ADAM17: variants seen among roughly 807,000 people sequenced by gnomAD.
The protein encoded by ADAM17 is ADAM metallopeptidase domain 17, also known as disintegrin and metalloproteinase domain-containing protein 17.
ADAM17 carries 39 observed loss-of-function variants against 96.7 expected under a neutral mutation model. The ratio of observed to expected loss-of-function variants is 0.40; its 90% CI spans 0.31 to 0.53. ADAM17 has a LOEUF of 0.53. Among genes scored for constraint, ADAM17 ranks in the 20% least tolerant of loss-of-function variants. The probability of loss-of-function intolerance (pLI) is 0.44; values close to 1 mark genes in which losing one functional copy is unlikely to be tolerated. For missense variants in ADAM17, 777 were observed against 1,013.2 expected, an observed-to-expected ratio of 0.77 and a Z score of 3.17; for synonymous variants, 344 against 359.2, an observed-to-expected ratio of 0.96 and a Z score of 0.48.
chr2:9,521,473 T>C (rs574588267), intron 7 of ADAM17, 157 bp from the exon 8 acceptor site: 5 of 412,776 alleles, frequency 1.2e-5, no homozygotes, highest in East Asian at 3.8e-5. Flanking sequence ...TATTCAATGT[T>C]TGAAACAAAC....
At chr2:9,492,239 C>G (rs1662215117) in intron 17 of ADAM17, among the ~76,000 whole-genome samples, 1 of 152,228 alleles carries the variant, frequency 6.6e-6, no homozygotes, top group African/African-American at 2.4e-5. Context: ...ATCTCTACAG[C>G]AGACAAATCC....
At position 9,490,398 on chromosome 2, in the gene ADAM17, G is replaced by C; in HGVS notation, c.2254C>G (p.Pro752Ala). The C allele has an allele frequency of 3.1e-6, 5 of 1,614,166 alleles. No individual in the cohort carries two copies. The highest frequency in any genetic ancestry group is 3.4e-6 in the Non-Finnish European group (4 of 1,180,044). The change falls in exon 19 of 19, where the codon CCA (proline) becomes GCA (alanine). Residue 752 changes from proline to alanine, a missense_variant. Pro to Ala is a conservative substitution (Grantham distance 27). Around this residue, in one of 3 missense-constraint regions of ADAM17, gnomAD observed 197 missense variants for 219.4 expected, o/e 0.90. Coordinates refer to ENST00000310823, the MANE Select transcript of ADAM17 (RefSeq NM_003183.6). The stretch of plus-strand genomic sequence containing the variant: ...TCCATTCTCTGGTGGTCCAGTTTTG[G>C]AGCTGCTGGCGCCGAAGGGATCACA... Reference protein sequence around the residue: ...APVIPSAPAAPKLDHQRMDTI... With the variant: ...APVIPSAPAAAKLDHQRMDTI...
At chr2:9,538,424 G>A (rs926233092) in intron 2 of ADAM17, among the ~76,000 whole-genome samples, 1 of 152,128 alleles carries the variant, frequency 6.6e-6, no homozygotes, top group African/African-American at 2.4e-5. Flanking sequence ...AATGGTCAAA[G>A]GGAAAAGACA....
intron 8 of ADAM17, among the ~76,000 whole-genome samples, chr2:9,518,986 G>T (rs1572928727): frequency 1.3e-5 from 2 of 152,034 alleles, no homozygotes; most frequent in African/African-American, 4.8e-5. Context: ...GCTCACTGCA[G>T]CCTCGACCTC....
intron 2 of ADAM17, among the ~76,000 whole-genome samples, chr2:9,539,181 A>C (rs1212612954): frequency 1.3e-5 from 2 of 150,616 alleles, no homozygotes; most frequent in African/African-American, 4.9e-5. Context: ...AATCTCGGCT[A>C]ACTGCAAGCT....
intron 14 of ADAM17, among the ~76,000 whole-genome samples, chr2:9,496,139 A>G (rs1662580103): frequency 6.6e-6 from 1 of 151,190 alleles, no homozygotes; most frequent in Admixed American, 6.6e-5. Flanking sequence ...TTATTTATTT[A>G]TTTATTTGAA....
intron 5 of ADAM17, 129 bp downstream of exon 5, chr2:9,527,657 T>A: frequency 1.7e-6 from 1 of 604,978 alleles, no homozygotes; most frequent in Non-Finnish European, 2.5e-6. Flanking sequence ...GGAACAAACC[T>A]CTTATTTTCA....
chr2:9,498,686 G>A (rs1278971324), intron 13 of ADAM17, among the ~76,000 whole-genome samples: 1 of 152,186 alleles, frequency 6.6e-6, no homozygotes, highest in African/African-American at 2.4e-5. Flanking sequence ...TGAGCACTGG[G>A]CATTCATCAT....
chr2:9,526,149 T>C lies in ADAM17; in HGVS notation c.715A>G (p.Met239Val). Reference protein sequence around the residue: ...VVADHRFYRYMGRGEESTTTN... With the variant: ...VVADHRFYRYVGRGEESTTTN... Reference sequence around the variant, plus strand: ...GTTGTACTCTCTTCCCCTCTGCCCATGTATCTGTAGAAGCGATGATCTGCT... The same window carrying C: ...GTTGTACTCTCTTCCCCTCTGCCCACGTATCTGTAGAAGCGATGATCTGCT... Residue 239 changes from methionine to valine, a missense_variant, in exon 6 of 19, where the codon ATG becomes GTG. Around this residue, in one of 3 missense-constraint regions of ADAM17, gnomAD observed 446 missense variants for 664.7 expected, o/e 0.67. Transcript: ENST00000310823. 2 of 1,613,780 alleles carry C rather than the reference T, an allele frequency of 1.2e-6. No individual in the cohort carries two copies. Among genetic ancestry groups the C allele is most frequent in the South Asian group, 1.1e-5 (1 of 91,036 alleles).
intron 14 of ADAM17, chr2:9,494,995 A>C: frequency 2.5e-6 from 1 of 403,408 alleles, no homozygotes. Flanking sequence ...TGCAGAGAAA[A>C]ATCCATTCTA....
At chr2:9,522,030 C>A (rs1664336150) in intron 7 of ADAM17, 1 of 160,320 alleles carries the variant, frequency 6.2e-6, no homozygotes, top group Non-Finnish European at 1.4e-5. Context: ...CATCCTTCAT[C>A]AGATGTAAAG....
At chr2:9,554,225 G>A (rs1291520381) in intron 1 of ADAM17, among the ~76,000 whole-genome samples, 1 of 152,144 alleles carries the variant, frequency 6.6e-6, no homozygotes, top group Non-Finnish European at 1.5e-5. Flanking sequence ...TGTCAGGGTG[G>A]TGCAAATATA....
intron 12 of ADAM17, 128 bp from the exon 13 acceptor site, chr2:9,502,404 C>T (rs539803830): frequency 4.1e-6 from 3 of 733,486 alleles, no homozygotes; most frequent in Non-Finnish European, 2.3e-6. Flanking sequence ...TCACCCACTC[C>T]TACATCATCA....
rs1207886419 is a variant in ADAM17, at chr2:9,491,125, T to A, written c.2109A>T (p.Glu703Asp). ...CACTGGGGTGAAACAGAGACAGAGA[T>A]TCATACTGTTTATCCAATTTCTTAT... ...CVDKKLDKQY[E>D]SLSLFHPSNV... is the part of the protein sequence containing the mutation. The change falls in exon 18 of 19, where the codon GAA becomes GAT. Residue 703 changes from glutamate to aspartate, a missense_variant. Coordinates refer to ENST00000310823, the MANE Select transcript of ADAM17 (RefSeq NM_003183.6). 1 of 1,613,058 alleles carries A rather than the reference T, an allele frequency of 6.2e-7. No individual in the cohort carries two copies. Among genetic ancestry groups the A allele is most frequent in the African/African-American group, 1.3e-5 (1 of 74,882 alleles).
chr2:9,518,128 G>A lies in ADAM17; in HGVS notation c.1077C>T (p.Asn359=), dbSNP rs1558511859. Residue 359 remains asparagine (N), a synonymous_variant, in exon 9 of 19, where the codon AAC becomes AAT. Coordinates refer to ENST00000310823, the MANE Select transcript of ADAM17 (RefSeq NM_003183.6). ...GLAYVGSPRA[N]SHGGVCPKAY... ...CCTTTGGACAAACACCTCCATGGCTGTTTGCTCTGGGAGAGCCAACATAAG... is the reference window on the plus strand; with the variant it reads ...CCTTTGGACAAACACCTCCATGGCTATTTGCTCTGGGAGAGCCAACATAAG... 5 of 1,596,418 alleles carry A rather than the reference G, an allele frequency of 3.1e-6. No homozygotes were observed. The highest frequency in any genetic ancestry group is 1.7e-6 in the Non-Finnish European group (2 of 1,174,764).
In ADAM17 at chr2:9,502,676, C is replaced by T. The variant is rs1036347006; in HGVS notation, c.1545-400G>A. ...TGGATCACCTGAGGTCAGGAGAGTT[C>T]GAGATGAGCCTGGCCAACATGGTGA... On this transcript the variant is annotated intron_variant, in intron 12 of 18. Coordinates refer to ENST00000310823, the MANE Select transcript of ADAM17 (RefSeq NM_003183.6). 3.3e-5 allele frequency among the ~76,000 whole-genome samples: 5 copies of T among 151,782 alleles called. No individual in the cohort carries two copies. The East Asian group carries it at 9.7e-4, about 29-fold the overall frequency.
rs951262662 is a variant in ADAM17, at chr2:9,505,274, C to T, written c.1436G>A (p.Gly479Glu). 1 of 1,614,186 alleles carries T rather than the reference C, an allele frequency of 6.2e-7. No individual in the cohort carries two copies. The highest frequency in any genetic ancestry group is 8.5e-7 in the Non-Finnish European group (1 of 1,180,044). Residue 479 changes from glycine (G) to glutamate (E), a missense_variant, in exon 12 of 19, where the codon GGG becomes GAG. Gly to Glu is a moderately conservative substitution (Grantham distance 98). This residue lies in a region of ADAM17 where 446 missense variants were observed against 664.7 expected (regional missense o/e 0.67). Transcript: ENST00000310823. ...CFQERSNKVC[G>E]NSRVDEGEEC... Reference sequence around the variant, plus strand: ...TTCTCCTTCATCCACCCTCGAGTTCCCACAAACTTTATTGCTGCGTTCTTG... The same window carrying T: ...TTCTCCTTCATCCACCCTCGAGTTCTCACAAACTTTATTGCTGCGTTCTTG...
At chr2:9,551,618 C>G (rs2091211) in intron 1 of ADAM17, among the ~76,000 whole-genome samples, 1 of 151,974 alleles carries the variant, frequency 6.6e-6, no homozygotes, top group Non-Finnish European at 1.5e-5. Context: ...TGCTACCACA[C>G]CTGGCTAATT....
At chr2:9,526,341 T>C (rs1230716327) in intron 5 of ADAM17, 97 bp from the exon 6 acceptor site, 1 of 1,276,766 alleles carries the variant, frequency 7.8e-7, no homozygotes, top group Non-Finnish European at 1.1e-6. Context: ...AAACAAACAT[T>C]ATGTGAGCTT....
Sources: allele counts gnomAD v4.1 joint callset (sites outside exome capture counted in the v4.1 genomes callset), GRCh38; gene constraint gnomAD v4.1.1; regional missense constraint gnomAD v4.1.1; transcripts MANE v1.5; gene names NCBI Gene and HGNC (gene_info 2026-07-23, HGNC 2026-07-21).